Variants in ZMYND8 observed in about 807,000 individuals in gnomAD.
The protein encoded by ZMYND8 is MYND-type zinc finger-containing chromatin reader ZMYND8.
ZMYND8 carries 37 observed loss-of-function variants against 140.8 expected under a neutral mutation model. The ratio of observed to expected loss-of-function variants is 0.26; its 90% CI spans 0.20 to 0.35. The LOEUF (loss-of-function observed/expected upper bound fraction) is 0.35. Ranked by LOEUF, ZMYND8 falls within the 10% of genes least tolerant of loss-of-function variation. The pLI, the probability that ZMYND8 is intolerant of heterozygous loss-of-function variation, is 1.00. For missense variants in ZMYND8, 1,068 were observed against 1,570.0 expected (o/e 0.68, Z 5.40); for synonymous variants, 592 against 597.1 (o/e 0.99, Z 0.12).
chr20:47,270,331 C>T (rs2075834435), intron 11 of ZMYND8, among the ~76,000 whole-genome samples: 1 of 144,596 alleles, frequency 6.9e-6, no homozygotes, highest in Admixed American at 7.0e-5. Flanking sequence ...CAAGATCGCA[C>T]CATTGCACCC....
At chr20:47,220,394 G>C (rs2036769368) in intron 20 of ZMYND8, 70 bp from the exon 21 acceptor site, 1 of 1,246,428 alleles carries the variant, frequency 8.0e-7, no homozygotes, top group Admixed American at 2.0e-5. Context: ...GGGAAATCCA[G>C]GGAGTCATGG....
At position 47,246,248 on chromosome 20, in the gene ZMYND8, C is replaced by T. The variant is rs767993233; in HGVS notation, c.2044G>A (p.Ala682Thr). 1 of 1,614,178 alleles carries T rather than the reference C, an allele frequency of 6.2e-7. No individual in the cohort carries two copies. Among genetic ancestry groups the T allele is most frequent in the Non-Finnish European group, 8.5e-7 (1 of 1,180,026 alleles). Reference sequence around the variant, plus strand: ...TCAGGGCTGGCCTTGTCCTTGACTGCTCCAGGGTCTGCCTTCTCGCTGGCT... The same window carrying T: ...TCAGGGCTGGCCTTGTCCTTGACTGTTCCAGGGTCTGCCTTCTCGCTGGCT... ...SPASEKADPG[A>T]VKDKASPEPE... The change falls in exon 14 of 23, where the codon GCA becomes ACA. Residue 682 changes from alanine to threonine, a missense_variant. Around this residue, in one of 10 missense-constraint regions of ZMYND8, gnomAD observed 383 missense variants for 431.2 expected, o/e 0.89. Coordinates refer to ENST00000471951, the MANE Select transcript of ZMYND8 (RefSeq NM_001281775.3).
In ZMYND8 at chr20:47,277,932, A is replaced by G. The variant is rs976824356; in HGVS notation, c.999-1137T>C. 1.3e-5 allele frequency among the ~76,000 whole-genome samples: 2 copies of G among 151,844 alleles called. 1 individual carries two copies. The highest frequency in any genetic ancestry group is 2.9e-5 in the Non-Finnish European group (2 of 67,974). On this transcript the variant is annotated intron_variant, in intron 10 of 22. Transcript: ENST00000471951. ...GTGATCCACCCACCTCAGCCTCCCA[A>G]AGTGCTGGGATTATAGGTGTTAGCC...
Position 47,267,139 on chromosome 20 carries a change from C to T in ZMYND8, c.1481-4711G>A, listed in dbSNP as rs576020927. On this transcript the variant is annotated intron_variant, in intron 11 of 22. Transcript: ENST00000471951. The stretch of plus-strand genomic sequence containing the variant: ...GATGCTAAGTTAAAGAAGCCAGACA[C>T]AAAAGGCCCCATATTCTTTCATTTC... Among the ~76,000 whole-genome samples the T allele has an allele frequency of 4.0e-5, 6 of 151,784 alleles. No individual in the cohort carries two copies. In the East Asian group the frequency reaches 1.2e-3, roughly 30 times the overall value.
chr20:47,250,119 A>G (rs1319824055), intron 12 of ZMYND8, among the ~76,000 whole-genome samples: 1 of 152,188 alleles, frequency 6.6e-6, no homozygotes, highest in African/African-American at 2.4e-5. Flanking sequence ...TAAGAGTCCA[A>G]GGTCCTCAGC....
rs956238022 is a variant in ZMYND8, at chr20:47,220,247, G to A, written c.3484+11C>T. ...GTGAAAGCACCGTTCGCCCACCAGG[G>A]GGCAACATACCAGAGCCTTGGTTGG... On this transcript the variant is annotated intron_variant, in intron 21 of 22. Transcript: ENST00000471951. 3 of 1,557,412 alleles carry A rather than the reference G, an allele frequency of 1.9e-6. No individual in the cohort carries two copies. The Admixed American group carries it at 5.8e-5, about 30-fold the overall frequency.
chr20:47,210,729 A>G lies in ZMYND8; in HGVS notation c.*32T>C, dbSNP rs370664136. On this transcript the variant is annotated 3_prime_UTR_variant, in exon 23 of 23. Transcript: ENST00000471951. ...TCCTGGCGTCTGGGTTTTTCTCCCA[A>G]TGGGGTGGGTGGTTTGTGTCCCGAT... The G allele has an allele frequency of 2.7e-5, 44 of 1,613,636 alleles. No homozygotes were observed. Among genetic ancestry groups the G allele is most frequent in the African/African-American group, 1.9e-4 (14 of 74,776 alleles).
At position 47,298,627 on chromosome 20, in the gene ZMYND8, C is replaced by G; in HGVS notation, c.453+102G>C. On this transcript the variant is annotated intron_variant, in intron 4 of 22. Coordinates refer to ENST00000471951, the MANE Select transcript of ZMYND8 (RefSeq NM_001281775.3). The surrounding 1 kb of genome is among the most constrained non-coding windows in gnomAD (Gnocchi z 5.0). ...AACAGGTGGAAAGCAAGAAATTTCTCTTTTCCATCTATCTGGATTATTTGT... is the reference window on the plus strand; with the variant it reads ...AACAGGTGGAAAGCAAGAAATTTCTGTTTTCCATCTATCTGGATTATTTGT... 10 of 1,519,946 alleles carry G rather than the reference C, an allele frequency of 6.6e-6. No individual in the cohort carries two copies. The highest frequency in any genetic ancestry group is 8.8e-6 in the Non-Finnish European group (10 of 1,131,790). 94.2% of individuals were successfully genotyped at this position (1,519,946 alleles called of 1,614,324 possible).
At chr20:47,340,875 C>G (rs988785119) in intron 2 of ZMYND8, among the ~76,000 whole-genome samples, 2 of 151,108 alleles carry the variant, frequency 1.3e-5, no homozygotes, top group African/African-American at 4.9e-5. Context: ...AAAGTGAGGA[C>G]AAAGGCTATA....
intron 10 of ZMYND8, among the ~76,000 whole-genome samples, chr20:47,278,211 G>C (rs752115953): frequency 6.6e-6 from 1 of 152,130 alleles, no homozygotes; most frequent in Admixed American, 6.5e-5. Context: ...TTGAACTCCT[G>C]AACTCAAGCA....
chr20:47,294,548 G>A (rs1488655968), intron 5 of ZMYND8, 118 bp downstream of exon 5: 7 of 834,592 alleles, frequency 8.4e-6, no homozygotes, highest in Middle Eastern at 2.3e-4. Flanking sequence ...ACTTGAATTT[G>A]GGGATGCAAG....
At chr20:47,286,913 G>A (rs958773531) in intron 8 of ZMYND8, among the ~76,000 whole-genome samples, 1 of 152,160 alleles carries the variant, frequency 6.6e-6, no homozygotes, top group Non-Finnish European at 1.5e-5. Context: ...CCAGGCTGTG[G>A]GGCCAAGGTC....
intron 4 of ZMYND8, among the ~76,000 whole-genome samples, chr20:47,296,704 C>T (rs2148036864): frequency 6.6e-6 from 1 of 152,238 alleles, no homozygotes; most frequent in Non-Finnish European, 1.5e-5. Flanking sequence ...ACCTATAATC[C>T]CAACAATTTG....
rs184370051 is a variant in ZMYND8, at chr20:47,317,787, C to G, written c.86-7583G>C. 1.1e-3 allele frequency among the ~76,000 whole-genome samples: 169 copies of G among 152,230 alleles called. 1 individual carries two copies. Among genetic ancestry groups the G allele is most frequent in the Non-Finnish European group, 1.4e-3 (98 of 68,012 alleles). ...CAGTGGTGGGGAATCAGCTTTCTGGCGTCAAAATGCATGCAGAACCTGGCT... is the reference window on the plus strand; with the variant it reads ...CAGTGGTGGGGAATCAGCTTTCTGGGGTCAAAATGCATGCAGAACCTGGCT... On this transcript the variant is annotated intron_variant, in intron 2 of 22. Coordinates refer to ENST00000471951, the MANE Select transcript of ZMYND8 (RefSeq NM_001281775.3).
chr20:47,255,560 CAGTG>C (rs1569006144), intron 12 of ZMYND8, among the ~76,000 whole-genome samples: 2 of 64,274 alleles, frequency 3.1e-5, no homozygotes, highest in African/African-American at 1.9e-4. Flanking sequence ...TACATATACT[CAGTG>C]TGTGTGTGTG....
chr20:47,314,902 A>T (rs1198285671), intron 2 of ZMYND8, among the ~76,000 whole-genome samples: 1 of 152,186 alleles, frequency 6.6e-6, no homozygotes, highest in Non-Finnish European at 1.5e-5. Context: ...AAGGGACTAG[A>T]CTAGAAGTTC....
At chr20:47,350,790 GACA>G (rs1252810099) in intron 1 of ZMYND8, among the ~76,000 whole-genome samples, 2 of 152,202 alleles carry the variant, frequency 1.3e-5, no homozygotes, top group East Asian at 3.9e-4. Flanking sequence ...AAAACAATGG[GACA>G]ACAAGCTCTT....
intron 2 of ZMYND8, among the ~76,000 whole-genome samples, chr20:47,324,512 T>A (rs1185709171): frequency 6.6e-6 from 1 of 152,012 alleles, no homozygotes; most frequent in South Asian, 2.1e-4. Context: ...AGAAGCTCTG[T>A]CTCAAAAAAT....
At chr20:47,290,850 CA>C (rs2077221089) in intron 6 of ZMYND8, among the ~76,000 whole-genome samples, 3 of 152,082 alleles carry the variant, frequency 2.0e-5, no homozygotes, top group Admixed American at 2.0e-4. Context: ...CTCAGCCTCC[CA>C]AACTGCTGGG....
Sources: gnomAD v4.1 joint callset for allele counts (sites outside exome capture counted in the v4.1 genomes callset) on GRCh38, gnomAD v4.1.1 for gene constraint, gnomAD v4.1.1 regional missense constraint, Gnocchi (gnomAD v3.1) non-coding constraint, MANE v1.5 for transcripts, NCBI Gene and HGNC (gene_info 2026-07-23, HGNC 2026-07-21) for gene names.